The following CNMD variants were observed in gnomAD, a reference collection of about 807,000 sequenced individuals.
CNMD encodes the protein chondromodulin.
Under a neutral mutation model 37.5 loss-of-function variants are expected in CNMD, and 30 were observed. The observed-to-expected ratio is 0.80, with a 90% CI of 0.60 to 1.09. The LOEUF (loss-of-function observed/expected upper bound fraction) is 1.09, where lower values mean the gene tolerates loss of function less well. Among genes scored for constraint, CNMD ranks in the 50% least tolerant of loss-of-function variants. CNMD has a pLI of 0.00. For missense variants in CNMD, 398 were observed against 423.9 expected, an observed-to-expected ratio of 0.94 and a Z score of 0.54; for synonymous variants, 167 against 148.2, an observed-to-expected ratio of 1.13 and a Z score of -0.92.
intron 4 of CNMD, among the ~76,000 whole-genome samples, chr13:52,714,558 G>A (rs945072004): frequency 6.6e-5 from 10 of 151,632 alleles, no homozygotes; most frequent in Admixed American, 6.6e-5. Context: ...TATTTACCAT[G>A]GTAAATAATG....
chr13:52,713,915 A>G (rs1964329933), intron 4 of CNMD, among the ~76,000 whole-genome samples: 1 of 152,124 alleles, frequency 6.6e-6, no homozygotes, highest in South Asian at 2.1e-4. Flanking sequence ...TTGGTTGCCT[A>G]CCCAATCTCC....
intron 5 of CNMD, 55 bp from the exon 6 acceptor site, chr13:52,708,757 T>C (rs1487973466): frequency 1.1e-5 from 15 of 1,374,698 alleles, no homozygotes; most frequent in Admixed American, 4.5e-5. Context: ...GGAAATTAGA[T>C]CTGTGTTTAT....
Position 52,703,438 on chromosome 13 carries a change from A to G in CNMD, c.*157T>C, listed in dbSNP as rs1964117730. 2 of 573,176 alleles carry G rather than the reference A, an allele frequency of 3.5e-6. No homozygotes were observed. The highest frequency in any genetic ancestry group is 6.0e-5 in the Admixed American group (2 of 33,146). 35.5% of individuals were successfully genotyped at this position (573,176 alleles called of 1,614,324 possible). On this transcript the variant is annotated 3_prime_UTR_variant, in exon 7 of 7. Coordinates refer to ENST00000377962, the MANE Select transcript of CNMD (RefSeq NM_007015.3). The stretch of plus-strand genomic sequence containing the variant: ...ATTTGCATATACTAAAGTTCTGGAA[A>G]ACAATTGAAAAAATTCTGTTAAGAG...
chr13:52,725,783 G>GA (rs1566228145), intron 3 of CNMD, among the ~76,000 whole-genome samples: 1 of 152,196 alleles, frequency 6.6e-6, no homozygotes, highest in African/African-American at 2.4e-5. Context: ...AATGGGGGTA[G>GA]AAAACACTTA....
At chr13:52,724,767 G>A (rs2138256139) in intron 3 of CNMD, among the ~76,000 whole-genome samples, 1 of 152,040 alleles carries the variant, frequency 6.6e-6, no homozygotes, top group Non-Finnish European at 1.5e-5. Flanking sequence ...TGTGGTAGCG[G>A]GCTCCTGTAA....
chr13:52,720,612 G>A (rs1964466270), intron 4 of CNMD, among the ~76,000 whole-genome samples: 1 of 152,188 alleles, frequency 6.6e-6, no homozygotes, highest in South Asian at 2.1e-4. Flanking sequence ...GACCCTGTAT[G>A]CCTGGGTATC....
At chr13:52,708,499 C>T (rs774418572) in intron 6 of CNMD, 37 bp downstream of exon 6, 1 of 1,584,806 alleles carries the variant, frequency 6.3e-7, no homozygotes, top group South Asian at 1.2e-5. Context: ...ATGTTTAATG[C>T]ATTTGTCTAA....
At position 52,737,063 on chromosome 13, in the gene CNMD, T is replaced by C. The variant is rs150170156; in HGVS notation, c.213+1968A>G. Among the ~76,000 whole-genome samples the C allele has an allele frequency of 3.1e-3, 467 of 152,316 alleles. 1 individual carries two copies. Among genetic ancestry groups the C allele is most frequent in the African/African-American group, 0.011 (444 of 41,558 alleles). On this transcript the variant is annotated intron_variant, in intron 2 of 6. Transcript: ENST00000377962. ...AAAAGGATAGGAGGTGAATTACAGC[T>C]GGTTCTCCTCTATAAACCAATATAG...
chr13:52,727,416 C>T (rs1055500984), intron 3 of CNMD, among the ~76,000 whole-genome samples: 8 of 152,246 alleles, frequency 5.3e-5, no homozygotes, highest in Middle Eastern at 3.4e-3. Context: ...AATCCCAACA[C>T]TTTGGGAGGC....
chr13:52,722,281 G>A (rs1438688892), intron 4 of CNMD, among the ~76,000 whole-genome samples: 2 of 152,140 alleles, frequency 1.3e-5, no homozygotes, highest in Non-Finnish European at 2.9e-5. Context: ...TAGCTTTTGT[G>A]TTGTTCTGTT....
Position 52,724,668 on chromosome 13 carries a change from G to A in CNMD, c.355-558C>T, listed in dbSNP as rs180781228. ...CACCAGAACTTTGGGAGGCCGACGC[G>A]GGCAGATCACCTGAGGTCGGGAGTT... On this transcript the variant is annotated intron_variant, in intron 3 of 6. Coordinates refer to ENST00000377962, the MANE Select transcript of CNMD (RefSeq NM_007015.3). 1.9e-3 allele frequency among the ~76,000 whole-genome samples: 288 copies of A among 152,164 alleles called. 1 individual carries two copies. Among genetic ancestry groups the A allele is most frequent in the Admixed American group, 3.7e-3 (57 of 15,288 alleles).
chr13:52,708,424 G>C (rs1964229597), intron 6 of CNMD, 112 bp downstream of exon 6: 7 of 884,306 alleles, frequency 7.9e-6, no homozygotes, highest in Non-Finnish European at 1.2e-5. Flanking sequence ...CTCGTGATCT[G>C]CCCACCCCTG....
intron 2 of CNMD, among the ~76,000 whole-genome samples, chr13:52,736,395 C>T (rs1964764599): frequency 6.6e-6 from 1 of 152,220 alleles, no homozygotes; most frequent in Non-Finnish European, 1.5e-5. Context: ...TCCCAAAGTG[C>T]TGGGATTACA....
At position 52,733,126 on chromosome 13, in the gene CNMD, T is replaced by G. The variant is rs1387892362; in HGVS notation, c.354+93A>C. The G allele has an allele frequency of 9.7e-6, 12 of 1,231,732 alleles. No homozygotes were observed. The African/African-American group carries it at 1.8e-4, about 18-fold the overall frequency. The allele number at this position is 1,231,732 out of a possible 1,614,324, so 76.3% of individuals were successfully genotyped here. Reference sequence around the variant, plus strand: ...ACTGCTATAAAGAACAGTTACCATTTGGATGTGTGTGAGAAACGCTGCTCC... The same window carrying G: ...ACTGCTATAAAGAACAGTTACCATTGGGATGTGTGTGAGAAACGCTGCTCC... On this transcript the variant is annotated intron_variant, in intron 3 of 6. Transcript: ENST00000377962.
At chr13:52,735,852 T>C (rs111607160) in intron 2 of CNMD, among the ~76,000 whole-genome samples, 2 of 142,248 alleles carry the variant, frequency 1.4e-5, no homozygotes, top group African/African-American at 5.3e-5. Context: ...TTTTTTGAGA[T>C]GGAGTCTTGC....
At chr13:52,723,045 A>G (rs1964508942) in intron 4 of CNMD, among the ~76,000 whole-genome samples, 1 of 152,110 alleles carries the variant, frequency 6.6e-6, no homozygotes, top group African/African-American at 2.4e-5. Context: ...CCCTTTAATG[A>G]AGACCCTGTC....
intron 2 of CNMD, chr13:52,733,608 T>A: frequency 1.8e-6 from 1 of 551,580 alleles, no homozygotes; most frequent in Non-Finnish European, 3.4e-6. Flanking sequence ...CTCCATAATT[T>A]GCAATGCTGG....
Position 52,739,029 on chromosome 13 carries a change from A to T in CNMD, c.213+2T>A. 6.3e-7 allele frequency: 1 copy of T among 1,575,384 alleles called. No individual in the cohort carries two copies. Among genetic ancestry groups the T allele is most frequent in the East Asian group, 2.6e-5 (1 of 38,868 alleles). ...TCCCCGCGCGCCGCCCTCTGGACTTACGTGACTGTCGCTCCCCTTCCAGAA... is the reference window on the plus strand; with the variant it reads ...TCCCCGCGCGCCGCCCTCTGGACTTTCGTGACTGTCGCTCCCCTTCCAGAA... On this transcript the variant is annotated splice_donor_variant, in intron 2 of 6. Transcript: ENST00000377962. LOFTEE classifies it high-confidence loss of function. The surrounding 1 kb of genome is among the most constrained non-coding windows in gnomAD (Gnocchi z 5.4).
intron 3 of CNMD, among the ~76,000 whole-genome samples, chr13:52,728,103 C>T (rs1964604500): frequency 1.3e-5 from 2 of 152,048 alleles, no homozygotes; most frequent in African/African-American, 4.8e-5. Flanking sequence ...TAAAAAATCA[C>T]CTGGGCCAGG....
Sources: gnomAD v4.1 joint callset for allele counts (sites outside exome capture counted in the v4.1 genomes callset) on GRCh38, gnomAD v4.1.1 for gene constraint, Gnocchi (gnomAD v3.1) non-coding constraint, MANE v1.5 for transcripts, NCBI Gene and HGNC (gene_info 2026-07-23, HGNC 2026-07-21) for gene names.